Variants in MAK observed in about 807,000 individuals in gnomAD.
The protein encoded by MAK is male germ cell associated kinase.
In MAK, 65 loss-of-function variants were observed where a neutral mutation model predicts 82.6. The observed-to-expected ratio is 0.79, with a 90% CI of 0.64 to 0.97. MAK has a LOEUF of 0.97. Ranked by LOEUF, MAK falls within the 50% of genes least tolerant of loss-of-function variation. The pLI is 0.00. For synonymous variants in MAK, 250 were observed against 274.2 expected (o/e 0.91, Z 0.87); for missense variants, 703 against 780.2 (o/e 0.90, Z 1.18).
At chr6:10,791,886 T>C in intron 9 of MAK, 39 bp from the exon 10 acceptor site, 1 of 1,601,388 alleles carries the variant, frequency 6.2e-7, no homozygotes. Context: ...TTTAATCATG[T>C]ACTGAATGCC....
chr6:10,804,482 A>G (rs1350345072), intron 6 of MAK, among the ~76,000 whole-genome samples: 3 of 152,154 alleles, frequency 2.0e-5, no homozygotes, highest in Non-Finnish European at 4.4e-5. Flanking sequence ...AGCGGGGATT[A>G]CAGGGGCACA....
At chr6:10,808,769 ATAGGCT>A (rs1437896115) in intron 6 of MAK, 35 bp downstream of exon 6, 1 of 1,603,204 alleles carries the variant, frequency 6.2e-7, no homozygotes, top group African/African-American at 1.3e-5. Flanking sequence ...AAATTTCACC[ATAGGCT>A]TATGCCTCAG....
chr6:10,817,090 AAAG>A (rs1777553185), intron 4 of MAK, among the ~76,000 whole-genome samples: 1 of 152,028 alleles, frequency 6.6e-6, no homozygotes, highest in Admixed American at 6.6e-5. Context: ...AAATATGATT[AAAG>A]AATAATTCAA....
At chr6:10,787,444 AAATTAT>A (rs1257458502) in intron 10 of MAK, among the ~76,000 whole-genome samples, 1 of 152,222 alleles carries the variant, frequency 6.6e-6, no homozygotes, top group East Asian at 1.9e-4. Context: ...TGAAGTATGA[AAATTAT>A]AAAGTTTAGG....
intron 8 of MAK, chr6:10,797,924 A>G (rs1775691115): frequency 8.0e-7 from 1 of 1,254,850 alleles, no homozygotes; most frequent in Admixed American, 3.0e-5. Context: ...TTGCATTCTC[A>G]GTGGAATACA....
chr6:10,784,004 G>A (rs1422566192), intron 11 of MAK, among the ~76,000 whole-genome samples: 1 of 152,046 alleles, frequency 6.6e-6, no homozygotes, highest in Non-Finnish European at 1.5e-5. Context: ...GGGCGACAGA[G>A]CGAGAATCTG....
In MAK at chr6:10,809,164, T is replaced by C. The variant is rs561731497; in HGVS notation, c.359-222A>G. On this transcript the variant is annotated intron_variant, in intron 5 of 14. Coordinates refer to ENST00000354489, the MANE Select transcript of MAK (RefSeq NM_001242957.3). ...AAAGTTCACACAGTGTATGAGATAATTAAAAATAACCACCCATTTAACATT... is the reference window on the plus strand; with the variant it reads ...AAAGTTCACACAGTGTATGAGATAACTAAAAATAACCACCCATTTAACATT... 1.8e-3 allele frequency among the ~76,000 whole-genome samples: 277 copies of C among 152,284 alleles called. 1 individual carries two copies. Among genetic ancestry groups the C allele is most frequent in the Non-Finnish European group, 2.9e-3 (198 of 68,008 alleles).
At chr6:10,809,567 G>C (rs76179788) in intron 5 of MAK, among the ~76,000 whole-genome samples, 1 of 152,086 alleles carries the variant, frequency 6.6e-6, no homozygotes, top group African/African-American at 2.4e-5. Flanking sequence ...AATCAGGCTT[G>C]AGTCAGTGCA....
chr6:10,835,078 C>A (rs1028192241), intron 1 of MAK, among the ~76,000 whole-genome samples: 1 of 152,204 alleles, frequency 6.6e-6, no homozygotes, highest in South Asian at 2.1e-4. Flanking sequence ...CGCAGTCCTG[C>A]GTCTGGATGA....
At position 10,813,701 on chromosome 6, in the gene MAK, C is replaced by T; in HGVS notation, c.301G>A (p.Val101Ile). 4 of 1,602,120 alleles carry T rather than the reference C, an allele frequency of 2.5e-6. No individual in the cohort carries two copies. Among genetic ancestry groups the T allele is most frequent in the Non-Finnish European group, 3.4e-6 (4 of 1,169,346 alleles). The change falls in exon 5 of 15, where the codon GTC becomes ATC. Residue 101 changes from valine to isoleucine, a missense_variant. Physicochemically the swap from Val to Ile is conservative, Grantham distance 29. Coordinates refer to ENST00000354489, the MANE Select transcript of MAK (RefSeq NM_001242957.3). ...ATTTGATACATAATATTTCTGATGA[C>T]TGATTCAGGGAACAACTTGTTTCTG... ...KDRNKLFPES[V>I]IRNIMYQILQ...
At chr6:10,780,768 C>CA (rs576002828) in intron 11 of MAK, among the ~76,000 whole-genome samples, 2 of 151,774 alleles carry the variant, frequency 1.3e-5, no homozygotes, top group South Asian at 2.1e-4. Context: ...TTTAAACAAA[C>CA]AAAAAAACAA....
intron 11 of MAK, 116 bp downstream of exon 11, chr6:10,784,308 G>T: frequency 9.7e-7 from 1 of 1,027,804 alleles, no homozygotes; most frequent in Non-Finnish European, 1.5e-6. Context: ...CTACCAAAGA[G>T]CTCTGTGATT....
At position 10,791,760 on chromosome 6, in the gene MAK, C is replaced by G. The variant is rs1775110485; in HGVS notation, c.1231G>C (p.Glu411Gln). The G allele has an allele frequency of 5.0e-6, 8 of 1,614,098 alleles. No homozygotes were observed. Among genetic ancestry groups the G allele is most frequent in the Non-Finnish European group, 5.9e-6 (7 of 1,179,966 alleles). ...FKSGDSWEEL[E>Q]DYDFGASHSK... ...TGGGAGGCTCCGAAATCATAGTCCT[C>G]CAACTCTTCCCAGCTATCTCCAGAC... Residue 411 changes from glutamate (E) to glutamine (Q), a missense_variant, in exon 10 of 15, where the codon GAG (glutamate) becomes CAG (glutamine). Coordinates refer to ENST00000354489, the MANE Select transcript of MAK (RefSeq NM_001242957.3).
At chr6:10,817,185 C>T (rs1020997075) in intron 4 of MAK, among the ~76,000 whole-genome samples, 1 of 151,682 alleles carries the variant, frequency 6.6e-6, no homozygotes, top group African/African-American at 2.4e-5. Flanking sequence ...ATCATTACTT[C>T]GGAAAATTAT....
At chr6:10,820,338 T>C (rs1349711600) in intron 2 of MAK, among the ~76,000 whole-genome samples, 3 of 152,080 alleles carry the variant, frequency 2.0e-5, no homozygotes, top group Non-Finnish European at 4.4e-5. Flanking sequence ...GGGGGTATAA[T>C]ACACAGGTGA....
rs1773497424 is a variant in MAK at position 10,776,866 on chromosome 6, C to T, written c.1466-1407G>A. Reference sequence around the variant, plus strand: ...CTTTGGGAGGCCGAGGCGGGCGGATCACGAGGTCAGGAGTTTGAGACCAGC... The same window carrying T: ...CTTTGGGAGGCCGAGGCGGGCGGATTACGAGGTCAGGAGTTTGAGACCAGC... On this transcript the variant is annotated intron_variant, in intron 11 of 14. Coordinates refer to ENST00000354489, the MANE Select transcript of MAK (RefSeq NM_001242957.3). The surrounding 1 kb of genome is among the most constrained non-coding windows in gnomAD (Gnocchi z 4.3). Among the ~76,000 whole-genome samples, 1 of 151,632 alleles carries T rather than the reference C, an allele frequency of 6.6e-6. No individual in the cohort carries two copies. Among genetic ancestry groups the T allele is most frequent in the Admixed American group, 6.6e-5 (1 of 15,218 alleles).
chr6:10,784,890 C>T (rs886933101), intron 10 of MAK: 1 of 516,404 alleles, frequency 1.9e-6, no homozygotes, highest in African/African-American at 1.9e-5. Flanking sequence ...AACTGGTGTG[C>T]TGAGAGGGAA....
At chr6:10,785,414 C>A (rs1774451582) in intron 10 of MAK, among the ~76,000 whole-genome samples, 1 of 152,204 alleles carries the variant, frequency 6.6e-6, no homozygotes, top group Admixed American at 6.5e-5. Context: ...CCTGAATATA[C>A]TGCCCAATTT....
Position 10,801,691 on chromosome 6 carries a change from G to A in MAK, c.831+201C>T, listed in dbSNP as rs138790613. ...AACCACAAAACTCAGAAAATCATTG[G>A]TGTGGCTATTTCTGCATTTCTCCCA... On this transcript the variant is annotated intron_variant, in intron 8 of 14. Transcript: ENST00000354489. 2.4e-3 allele frequency among the ~76,000 whole-genome samples: 373 copies of A among 152,248 alleles called. 1 individual carries two copies. Among genetic ancestry groups the A allele is most frequent in the Middle Eastern group, 0.01 (3 of 294 alleles).
Sources: gnomAD v4.1 joint callset for allele counts (sites outside exome capture counted in the v4.1 genomes callset) on GRCh38, gnomAD v4.1.1 for gene constraint, Gnocchi (gnomAD v3.1) non-coding constraint, MANE v1.5 for transcripts, NCBI Gene and HGNC (gene_info 2026-07-23, HGNC 2026-07-21) for gene names.